The following PPP3R1 variants were observed in gnomAD, a reference collection of about 807,000 sequenced individuals.
PPP3R1 encodes the protein calcineurin subunit B type 1.
PPP3R1 carries 5 observed loss-of-function variants against 22.6 expected under a neutral mutation model. The observed-to-expected ratio is 0.22, with a 90% CI of 0.12 to 0.46. The LOEUF (loss-of-function observed/expected upper bound fraction) is 0.46. Ranked by LOEUF, PPP3R1 falls within the 20% of genes least tolerant of loss-of-function variation. The probability of loss-of-function intolerance (pLI) is 0.99; values close to 1 mark genes in which losing one functional copy is unlikely to be tolerated. For synonymous variants in PPP3R1, 56 were observed against 65.2 expected (o/e 0.86, Z 0.68); for missense variants, 61 against 203.2 (o/e 0.30, Z 4.25).
chr2:68,250,481 A>G (rs908180284), intron 1 of PPP3R1, among the ~76,000 whole-genome samples: 2 of 152,250 alleles, frequency 1.3e-5, no homozygotes, highest in Non-Finnish European at 2.9e-5. Flanking sequence ...AGCTAAGTAA[A>G]AACATTCCCT....
At chr2:68,244,153 T>C (rs183277203) in intron 1 of PPP3R1, among the ~76,000 whole-genome samples, 4 of 152,236 alleles carry the variant, frequency 2.6e-5, no homozygotes, top group Non-Finnish European at 5.9e-5. Flanking sequence ...TGATTCCTTT[T>C]AGACCTATGT....
chr2:68,225,863 CAG>C (rs1321257103), intron 1 of PPP3R1, among the ~76,000 whole-genome samples: 1 of 152,160 alleles, frequency 6.6e-6, no homozygotes, highest in Non-Finnish European at 1.5e-5. Flanking sequence ...CATGTCCACA[CAG>C]AAATCTGTAC....
At chr2:68,249,817 G>A (rs983644798) in intron 1 of PPP3R1, among the ~76,000 whole-genome samples, 2 of 151,922 alleles carry the variant, frequency 1.3e-5, no homozygotes, top group Non-Finnish European at 2.9e-5. Context: ...AATCTTATAA[G>A]CCTTTTTACT....
At chr2:68,190,279 AAAAG>A (rs1674635658) in intron 2 of PPP3R1, among the ~76,000 whole-genome samples, 1 of 148,672 alleles carries the variant, frequency 6.7e-6, no homozygotes, top group Non-Finnish European at 1.5e-5. Context: ...AAAAAAAAAA[AAAAG>A]GCCGGGTGCA....
At chr2:68,246,267 G>A (rs1197682653) in intron 1 of PPP3R1, among the ~76,000 whole-genome samples, 1 of 151,426 alleles carries the variant, frequency 6.6e-6, no homozygotes, top group Admixed American at 6.6e-5. Flanking sequence ...TAGAGACAGG[G>A]TTTCACCATA....
At chr2:68,198,244 T>C (rs111860198) in intron 2 of PPP3R1, among the ~76,000 whole-genome samples, 11 of 145,778 alleles carry the variant, frequency 7.5e-5, no homozygotes, top group East Asian at 2.0e-4. Flanking sequence ...TATACACATA[T>C]GTACATACAT....
At chr2:68,218,153 A>C (rs2103772732) in intron 1 of PPP3R1, among the ~76,000 whole-genome samples, 1 of 151,940 alleles carries the variant, frequency 6.6e-6, no homozygotes, top group South Asian at 2.1e-4. Context: ...CTGCCTAGCA[A>C]TTAAATAGCA....
intron 1 of PPP3R1, among the ~76,000 whole-genome samples, chr2:68,223,578 GA>G (rs1280137032): frequency 2.0e-5 from 3 of 147,868 alleles, no homozygotes; most frequent in East Asian, 2.0e-4. Context: ...ATTAACAGAG[GA>G]AAAAAAAAGA....
chr2:68,212,522 TG>T (rs1243583249), intron 2 of PPP3R1, among the ~76,000 whole-genome samples: 5 of 152,374 alleles, frequency 3.3e-5, no homozygotes, highest in Middle Eastern at 3.4e-3. Flanking sequence ...GGCTACAGAA[TG>T]GATGTCGTGT....
At chr2:68,198,308 T>C (rs1239371606) in intron 2 of PPP3R1, among the ~76,000 whole-genome samples, 3 of 145,136 alleles carry the variant, frequency 2.1e-5, no homozygotes, top group African/African-American at 2.5e-5. Flanking sequence ...TATACATGTA[T>C]ACATATATGT....
intron 2 of PPP3R1, among the ~76,000 whole-genome samples, chr2:68,213,606 C>G (rs1330515289): frequency 6.6e-6 from 1 of 152,188 alleles, no homozygotes; most frequent in Non-Finnish European, 1.5e-5. Flanking sequence ...AAATGTGACA[C>G]AGACAGGAAA....
chr2:68,227,300 G>C (rs965765005), intron 1 of PPP3R1, among the ~76,000 whole-genome samples: 2 of 151,968 alleles, frequency 1.3e-5, no homozygotes, highest in Admixed American at 6.6e-5. Context: ...AACTTGAAAA[G>C]TAAGTTATCT....
chr2:68,198,073 A>AAAAAAAAAC (rs1388221660), intron 2 of PPP3R1, among the ~76,000 whole-genome samples: 5 of 143,700 alleles, frequency 3.5e-5, no homozygotes, highest in African/African-American at 1.3e-4. Context: ...AAAAAAAAAA[A>AAAAAAAAAC]AAAAAAAAAA....
intron 2 of PPP3R1, among the ~76,000 whole-genome samples, chr2:68,199,165 T>C (rs1674903515): frequency 1.3e-5 from 2 of 152,136 alleles, no homozygotes; most frequent in Admixed American, 6.5e-5. Context: ...GATTTCACCA[T>C]GTTGGCCAGG....
intron 2 of PPP3R1, among the ~76,000 whole-genome samples, chr2:68,210,848 T>TGCA (rs1669464514): frequency 6.6e-6 from 1 of 152,212 alleles, no homozygotes; most frequent in South Asian, 2.1e-4. Context: ...TGACATGGCA[T>TGCA]GCAAAAGAAA....
intron 2 of PPP3R1, among the ~76,000 whole-genome samples, 161 bp downstream of exon 2, chr2:68,216,931 G>T (rs1220590470): frequency 6.6e-6 from 1 of 151,980 alleles, no homozygotes; most frequent in Non-Finnish European, 1.5e-5. Flanking sequence ...TAGACTGTAT[G>T]TCAAATTCAC....
intron 1 of PPP3R1, among the ~76,000 whole-genome samples, chr2:68,220,724 T>C (rs183281586): frequency 3.5e-4 from 54 of 152,304 alleles, no homozygotes; most frequent in African/African-American, 1.3e-3. Context: ...ATGGATGAAC[T>C]TCAAAATCAT....
At chr2:68,213,647 C>T (rs77099646) in intron 2 of PPP3R1, among the ~76,000 whole-genome samples, 10,119 of 152,242 alleles carry the variant, frequency 0.066, 409 homozygotes, top group Middle Eastern at 0.21. Context: ...CAGAGACAGA[C>T]TTGCTTGGCA....
chr2:68,226,905 TATA>T (rs1669793592), intron 1 of PPP3R1, among the ~76,000 whole-genome samples: 2 of 152,200 alleles, frequency 1.3e-5, no homozygotes, highest in Non-Finnish European at 2.9e-5. Flanking sequence ...GCTCACTTTT[TATA>T]ATGAGTATTA....
Sources: gnomAD v4.1 joint callset for allele counts (sites outside exome capture counted in the v4.1 genomes callset) on GRCh38, gnomAD v4.1.1 for gene constraint, MANE v1.5 for transcripts, NCBI Gene and HGNC (gene_info 2026-07-23, HGNC 2026-07-21) for gene names.